SIK3: variants seen among roughly 807,000 people sequenced by gnomAD.
The protein encoded by SIK3 is SIK family kinase 3.
A neutral mutation model predicts 144.2 loss-of-function variants in SIK3; 28 were observed. The ratio of observed to expected loss-of-function variants is 0.19; its 90% CI spans 0.14 to 0.27. SIK3 has a LOEUF of 0.27. SIK3 is among the 10% of genes least tolerant of loss of function. The probability of loss-of-function intolerance (pLI) is 1.00; values close to 1 mark genes in which losing one functional copy is unlikely to be tolerated. For synonymous variants in SIK3, 686 were observed against 676.3 expected, an observed-to-expected ratio of 1.01 and a Z score of -0.22; for missense variants, 1,319 against 1,776.0, an observed-to-expected ratio of 0.74 and a Z score of 4.62.
intron 1 of SIK3, among the ~76,000 whole-genome samples, chr11:116,963,534 G>T (rs1444589356): frequency 6.6e-6 from 1 of 152,188 alleles, no homozygotes; most frequent in Non-Finnish European, 1.5e-5. Flanking sequence ...AATTGTGAGA[G>T]ACTATGAATG....
chr11:116,848,354 A>T (rs1942166231), intron 22 of SIK3, among the ~76,000 whole-genome samples: 1 of 151,060 alleles, frequency 6.6e-6, no homozygotes. Flanking sequence ...CTCAAAAAAT[A>T]ATAATAATAA....
intron 1 of SIK3, among the ~76,000 whole-genome samples, chr11:116,972,930 G>T (rs1361161395): frequency 1.3e-5 from 2 of 152,136 alleles, no homozygotes; most frequent in African/African-American, 4.8e-5. Context: ...CTCAGGAAAA[G>T]GAACTGTGGG....
chr11:117,019,237 C>A (rs1389778936), intron 1 of SIK3, among the ~76,000 whole-genome samples: 2 of 151,912 alleles, frequency 1.3e-5, no homozygotes, highest in African/African-American at 4.8e-5. Context: ...CCAGGCTGGT[C>A]TCGAACTCCT....
intron 3 of SIK3, among the ~76,000 whole-genome samples, chr11:116,934,396 A>G (rs1947789642): frequency 1.3e-5 from 2 of 152,232 alleles, no homozygotes; most frequent in South Asian, 4.1e-4. Context: ...AATGAATTCA[A>G]GAGTCTTCCC....
intron 6 of SIK3, among the ~76,000 whole-genome samples, chr11:116,880,350 T>C (rs916794454): frequency 6.6e-6 from 1 of 151,144 alleles, no homozygotes; most frequent in South Asian, 2.1e-4. Flanking sequence ...AGACCTTGCA[T>C]GTAACTTTAG....
chr11:116,964,571 T>C (rs1024225740), intron 1 of SIK3, among the ~76,000 whole-genome samples: 29 of 152,204 alleles, frequency 1.9e-4, no homozygotes, highest in African/African-American at 7.0e-4. Context: ...AGAAAGTGGT[T>C]AACAACTATA....
chr11:117,031,685 TAA>T (rs1324405180), intron 1 of SIK3, among the ~76,000 whole-genome samples: 2 of 132,078 alleles, frequency 1.5e-5, no homozygotes, highest in African/African-American at 5.9e-5. Flanking sequence ...CACACCCGGC[TAA>T]TTTTTTTTTT....
intron 6 of SIK3, among the ~76,000 whole-genome samples, chr11:116,879,643 T>G (rs1010669493): frequency 1.3e-5 from 2 of 152,224 alleles, no homozygotes; most frequent in Admixed American, 6.5e-5. Flanking sequence ...TTATTTTAAT[T>G]TACTCTAACT....
intron 4 of SIK3, among the ~76,000 whole-genome samples, chr11:116,924,219 G>C (rs1947154708): frequency 6.6e-6 from 1 of 151,724 alleles, no homozygotes; most frequent in Non-Finnish European, 1.5e-5. Flanking sequence ...GCTTGAACCT[G>C]GGGGAGGCAG....
chr11:116,894,892 A>C (rs1180821357), intron 6 of SIK3, among the ~76,000 whole-genome samples: 1 of 152,210 alleles, frequency 6.6e-6, no homozygotes, highest in Admixed American at 6.5e-5. Flanking sequence ...TCCCTCCTTC[A>C]GCCTTTGTAC....
chr11:116,856,373 T>G (rs1040583705), intron 21 of SIK3, among the ~76,000 whole-genome samples: 4 of 152,162 alleles, frequency 2.6e-5, no homozygotes, highest in Non-Finnish European at 5.9e-5. Flanking sequence ...GGAGAGTTCT[T>G]ATAAAGGTCT....
intron 5 of SIK3, among the ~76,000 whole-genome samples, chr11:116,896,914 C>G (rs1945434402): frequency 6.6e-6 from 1 of 151,584 alleles, no homozygotes; most frequent in African/African-American, 2.4e-5. Context: ...GTAATCCCAA[C>G]TACTTGTGAG....
At chr11:117,090,020 G>A (rs1034219827) in intron 1 of SIK3, among the ~76,000 whole-genome samples, 3 of 152,144 alleles carry the variant, frequency 2.0e-5, no homozygotes, top group Non-Finnish European at 2.9e-5. Context: ...CAACAGTTCC[G>A]TACTCGCTTC....
chr11:116,924,660 A>G (rs902418283), intron 4 of SIK3, among the ~76,000 whole-genome samples: 1 of 152,200 alleles, frequency 6.6e-6, no homozygotes, highest in Non-Finnish European at 1.5e-5. Flanking sequence ...ACAGAGCCCA[A>G]GGAATGGAGA....
rs115066628 is a variant in SIK3 at position 116,864,058 on chromosome 11, G to A, written c.1953-240C>T. Reference sequence around the variant, plus strand: ...TTCGGTTGGCTTACTTTCCAAGCCTGGTGAGGTCCCGAGATCAAGTACATC... The same window carrying A: ...TTCGGTTGGCTTACTTTCCAAGCCTAGTGAGGTCCCGAGATCAAGTACATC... On this transcript the variant is annotated intron_variant, in intron 15 of 24. Transcript: ENST00000445177. The A allele has an allele frequency of 1.5e-3, 572 of 387,270 alleles. 5 individuals are homozygous for A. Among genetic ancestry groups the A allele is most frequent in the Middle Eastern group, 4.2e-3 (6 of 1,444 alleles). The allele number at this position is 387,270 out of a possible 1,614,324, so 24.0% of individuals were successfully genotyped here.
At chr11:116,939,418 T>C (rs1247663944) in intron 3 of SIK3, among the ~76,000 whole-genome samples, 1 of 152,208 alleles carries the variant, frequency 6.6e-6, no homozygotes, top group Admixed American at 6.5e-5. Flanking sequence ...AGTGCTGGGA[T>C]TACAGGTGTG....
At chr11:116,945,604 C>T (rs764281989) in intron 3 of SIK3, among the ~76,000 whole-genome samples, 1 of 151,984 alleles carries the variant, frequency 6.6e-6, no homozygotes, top group East Asian at 1.9e-4. Flanking sequence ...AGCCCAAAAG[C>T]CCACACTTTA....
At position 116,876,258 on chromosome 11, in the gene SIK3, G is replaced by C. The variant is rs377138681; in HGVS notation, c.1090C>G (p.Leu364Val). ...CTCCACTCCTTCGGAGATACCTGCAGTGTCTGTTCTTTGTCCAGTCCCATG... is the reference window on the plus strand; with the variant it reads ...CTCCACTCCTTCGGAGATACCTGCACTGTCTGTTCTTTGTCCAGTCCCATG... ...EDMGLDKEQT[L>V]QSLRSDAYDH... Residue 364 changes from leucine to valine, a missense_variant, in exon 8 of 25, where the codon CTG (leucine) becomes GTG (valine). Around this residue, in one of 8 missense-constraint regions of SIK3, gnomAD observed 109 missense variants for 109.3 expected, o/e 1.00. Transcript: ENST00000445177. The C allele has an allele frequency of 6.2e-7, 1 of 1,613,468 alleles. No individual in the cohort carries two copies. Among genetic ancestry groups the C allele is most frequent in the Non-Finnish European group, 8.5e-7 (1 of 1,179,488 alleles).
rs528405922 is a variant in SIK3 at position 116,855,083 on chromosome 11, CAAAAAAAAAAAA to C, written c.3655+2715_3655+2726del. ...CATGGGTGACAGTGTGAGACTCTGC[CAAAAAAAAAAAA>C]AAAAAAAAAAAAAACTTGAGTTTTT... On this transcript the variant is annotated intron_variant, in intron 21 of 24. Transcript: ENST00000445177. Among the ~76,000 whole-genome samples the C allele has an allele frequency of 1.4e-3, 115 of 82,090 alleles. 2 individuals carry two copies. Among genetic ancestry groups the C allele is most frequent in the African/African-American group, 7.6e-3 (105 of 13,896 alleles). The allele number at this position is 82,090 out of a possible 152,430, so 53.9% of individuals were successfully genotyped here.
Sources: allele counts gnomAD v4.1 joint callset (sites outside exome capture counted in the v4.1 genomes callset), GRCh38; gene constraint gnomAD v4.1.1; regional missense constraint gnomAD v4.1.1; transcripts MANE v1.5; gene names NCBI Gene and HGNC (gene_info 2026-07-23, HGNC 2026-07-21).